Variants in BRD4 observed in about 807,000 individuals in gnomAD.
The protein encoded by BRD4 is bromodomain-containing protein 4.
A neutral mutation model predicts 142.1 loss-of-function variants in BRD4; 16 were observed. That is an observed-to-expected ratio of 0.11 (90% CI 0.08 to 0.17). BRD4 has a LOEUF of 0.17. BRD4 is among the 10% of genes least tolerant of loss of function. The probability of loss-of-function intolerance (pLI) is 1.00; values close to 1 mark genes in which losing one functional copy is unlikely to be tolerated. For synonymous variants in BRD4, 833 were observed against 707.5 expected (o/e 1.18, Z -2.82); for missense variants, 1,424 against 1,810.9 (o/e 0.79, Z 3.88).
At chr19:15,295,869 A>T (rs2047818618) in intron 1 of BRD4, among the ~76,000 whole-genome samples, 1 of 152,174 alleles carries the variant, frequency 6.6e-6, no homozygotes, top group Non-Finnish European at 1.5e-5. Context: ...TATTCGGAAG[A>T]CTGAGGCAGG....
At chr19:15,299,338 T>C (rs2047849139) in intron 1 of BRD4, among the ~76,000 whole-genome samples, 1 of 152,234 alleles carries the variant, frequency 6.6e-6, no homozygotes, top group African/African-American at 2.4e-5. Flanking sequence ...ACACAATTCC[T>C]TTCTCATGAT....
At chr19:15,275,495 A>G (rs8111323) in intron 1 of BRD4, among the ~76,000 whole-genome samples, 2,349 of 152,286 alleles carry the variant, frequency 0.015, 53 homozygotes, top group African/African-American at 0.054. Flanking sequence ...GGAAGTCCTC[A>G]TTAGTGAGCT....
chr19:15,287,358 A>C (rs2145659406), intron 1 of BRD4, among the ~76,000 whole-genome samples: 1 of 152,278 alleles, frequency 6.6e-6, no homozygotes, highest in East Asian at 1.9e-4. Context: ...GGTGACATTA[A>C]GTGCATTCAC....
intron 13 of BRD4, 27 bp downstream of exon 13, chr19:15,244,204 C>T (rs1349967823): frequency 6.5e-7 from 1 of 1,542,404 alleles, no homozygotes; most frequent in Admixed American, 2.0e-5. Context: ...GGGGTCTCAA[C>T]CCACACTGGG....
In BRD4 at chr19:15,294,967, T is replaced by C. The variant is rs2047811745; in HGVS notation, c.-34-21834A>G. 2.0e-5 allele frequency among the ~76,000 whole-genome samples: 3 copies of C among 152,338 alleles called. No individual in the cohort carries two copies. The South Asian group carries it at 6.2e-4, about 32-fold the overall frequency. On this transcript the variant is annotated intron_variant, in intron 1 of 19. Transcript: ENST00000679869. ...ATGAAGATAAAAACTACAGTTCAGC[T>C]ATGAATGTTTTCCGTCTAAACACTC...
At chr19:15,317,186 C>T (rs1278760259) in intron 1 of BRD4, among the ~76,000 whole-genome samples, 1 of 152,186 alleles carries the variant, frequency 6.6e-6, no homozygotes, top group African/African-American at 2.4e-5. Flanking sequence ...CCAAGCACCA[C>T]CTTCCGTATC....
intron 2 of BRD4, among the ~76,000 whole-genome samples, chr19:15,270,487 G>A (rs1260758890): frequency 6.6e-6 from 1 of 152,180 alleles, no homozygotes; most frequent in African/African-American, 2.4e-5. Flanking sequence ...AACCAAGTCT[G>A]AATAGATCTA....
intron 1 of BRD4, among the ~76,000 whole-genome samples, chr19:15,295,875 G>A (rs545497026): frequency 6.6e-6 from 1 of 152,340 alleles, no homozygotes; most frequent in Admixed American, 6.5e-5. Context: ...GAAGACTGAG[G>A]CAGGAGAACT....
At chr19:15,308,638 C>A (rs2047938895) in intron 1 of BRD4, among the ~76,000 whole-genome samples, 1 of 149,820 alleles carries the variant, frequency 6.7e-6, no homozygotes, top group Non-Finnish European at 1.5e-5. Context: ...AAGAAAGTGG[C>A]AAAAATAAAA....
intron 1 of BRD4, among the ~76,000 whole-genome samples, chr19:15,305,748 T>C (rs191051278): frequency 6.6e-6 from 1 of 152,240 alleles, no homozygotes. Context: ...AGCCTGTCCT[T>C]TGAAGCCAAG....
At chr19:15,295,241 A>G (rs10407810) in intron 1 of BRD4, among the ~76,000 whole-genome samples, 1,820 of 152,302 alleles carry the variant, frequency 0.012, 45 homozygotes, top group African/African-American at 0.042. Flanking sequence ...GCATCTAACA[A>G]GAGCCCAGGG....
chr19:15,249,010 G>T, intron 11 of BRD4: 1 of 558,132 alleles, frequency 1.8e-6, no homozygotes, highest in East Asian at 2.9e-5. Context: ...GGACCCCAGA[G>T]AACCAGGAAG....
intron 2 of BRD4, among the ~76,000 whole-genome samples, chr19:15,271,076 AACCAATCACCCATACT>A (rs1273339053): frequency 2.0e-5 from 3 of 152,140 alleles, no homozygotes; most frequent in Non-Finnish European, 4.4e-5. Context: ...CCCATGGCCT[AACCAATCACCCATACT>A]TGTCTGTCCC....
At chr19:15,300,684 C>T (rs1391488664) in intron 1 of BRD4, among the ~76,000 whole-genome samples, 1 of 151,938 alleles carries the variant, frequency 6.6e-6, no homozygotes, top group East Asian at 1.9e-4. Context: ...AGATGCTCCC[C>T]GTCACTAGTC....
intron 2 of BRD4, among the ~76,000 whole-genome samples, chr19:15,272,240 G>A (rs1314410253): frequency 1.3e-5 from 2 of 152,168 alleles, no homozygotes; most frequent in Non-Finnish European, 2.9e-5. Flanking sequence ...TAGCCAGAGG[G>A]AGGGAGGGCA....
At chr19:15,248,692 G>C (rs1361467313) in intron 11 of BRD4, 2 of 226,730 alleles carry the variant, frequency 8.8e-6, no homozygotes, top group Non-Finnish European at 1.8e-5. Context: ...CCAGTGAGAA[G>C]CATGCTGTGG....
chr19:15,293,546 G>A (rs538168934), intron 1 of BRD4, among the ~76,000 whole-genome samples: 8 of 152,330 alleles, frequency 5.3e-5, no homozygotes, highest in East Asian at 3.8e-4. Flanking sequence ...TAGCCGACTC[G>A]TGCAGGCACC....
intron 1 of BRD4, among the ~76,000 whole-genome samples, chr19:15,296,077 T>C (rs1027950465): frequency 4.6e-5 from 7 of 151,940 alleles, no homozygotes; most frequent in African/African-American, 1.7e-4. Context: ...AACATGGTGA[T>C]ATCCCGTCTC....
At chr19:15,304,716 CAATGTG>C (rs2047898775) in intron 1 of BRD4, among the ~76,000 whole-genome samples, 1 of 152,168 alleles carries the variant, frequency 6.6e-6, no homozygotes. Context: ...ACATGGGGCT[CAATGTG>C]TCTGTATGCT....
Sources: gnomAD v4.1 joint callset for allele counts (sites outside exome capture counted in the v4.1 genomes callset) on GRCh38, gnomAD v4.1.1 for gene constraint, MANE v1.5 for transcripts, NCBI Gene and HGNC (gene_info 2026-07-23, HGNC 2026-07-21) for gene names.